The following CTNND2 variants were observed in gnomAD, a reference collection of about 807,000 sequenced individuals.
CTNND2 encodes catenin delta 2, also known as catenin delta-2.
In CTNND2, 22 loss-of-function variants were observed where a neutral mutation model predicts 144.4. That is an observed-to-expected ratio of 0.15 (90% CI 0.11 to 0.22). The LOEUF is 0.22. CTNND2 is among the 10% of genes least tolerant of loss of function. The probability of loss-of-function intolerance (pLI) is 1.00; values close to 1 mark genes in which losing one functional copy is unlikely to be tolerated. For missense variants in CTNND2, 1,353 were observed against 1,618.8 expected (o/e 0.84, Z 2.82); for synonymous variants, 751 against 695.6 (o/e 1.08, Z -1.25).
chr5:11,008,490 A>G (rs1314585620), intron 18 of CTNND2, among the ~76,000 whole-genome samples: 2 of 152,196 alleles, frequency 1.3e-5, no homozygotes, highest in Admixed American at 6.5e-5. Context: ...TAGAAGCTGG[A>G]AAAGGCAAGG....
At chr5:11,421,967 C>T (rs75368038) in intron 3 of CTNND2, among the ~76,000 whole-genome samples, 5,667 of 152,152 alleles carry the variant, frequency 0.037, 120 homozygotes, top group Non-Finnish European at 0.049. Context: ...GTATAAAACA[C>T]GAAAAATCCA....
intron 3 of CTNND2, among the ~76,000 whole-genome samples, chr5:11,498,644 C>T (rs1770221920): frequency 6.6e-6 from 1 of 152,182 alleles, no homozygotes; most frequent in South Asian, 2.1e-4. Flanking sequence ...TAGCAGCTTC[C>T]CTTCCATACA....
chr5:11,472,340 T>C (rs549607905), intron 3 of CTNND2, among the ~76,000 whole-genome samples: 25 of 152,292 alleles, frequency 1.6e-4, no homozygotes, highest in African/African-American at 6.0e-4. Flanking sequence ...GTCTAACTAT[T>C]TTATCATTTT....
At chr5:11,106,930 G>A (rs1326364421) in intron 14 of CTNND2, among the ~76,000 whole-genome samples, 1 of 152,108 alleles carries the variant, frequency 6.6e-6, no homozygotes, top group East Asian at 1.9e-4. Flanking sequence ...CCTGAACTGT[G>A]GATGTGAAGA....
At chr5:11,480,287 T>C (rs1020157443) in intron 3 of CTNND2, among the ~76,000 whole-genome samples, 3 of 152,194 alleles carry the variant, frequency 2.0e-5, no homozygotes, top group African/African-American at 7.2e-5. Context: ...AATGATTGTT[T>C]TTGTCAGCTT....
intron 3 of CTNND2, among the ~76,000 whole-genome samples, chr5:11,494,670 C>A (rs2149998785): frequency 6.6e-6 from 1 of 152,082 alleles, no homozygotes; most frequent in African/African-American, 2.4e-5. Context: ...GGATGGCTCC[C>A]AATACTTCTG....
chr5:11,460,002 C>G (rs1766056896), intron 3 of CTNND2, among the ~76,000 whole-genome samples: 1 of 152,174 alleles, frequency 6.6e-6, no homozygotes, highest in Non-Finnish European at 1.5e-5. Flanking sequence ...TTTGATGAAG[C>G]TGAACCTTTC....
chr5:11,158,431 C>T (rs886761709), intron 12 of CTNND2, among the ~76,000 whole-genome samples: 4 of 152,220 alleles, frequency 2.6e-5, no homozygotes, highest in South Asian at 4.2e-4. Context: ...AGCACCTATC[C>T]AGAGAAATCA....
chr5:11,533,397 A>G (rs976521338), intron 3 of CTNND2, among the ~76,000 whole-genome samples: 43 of 152,310 alleles, frequency 2.8e-4, no homozygotes, highest in African/African-American at 1.0e-3. Flanking sequence ...GGTGGGATTT[A>G]GAGCTCACAG....
At chr5:11,851,287 G>C (rs186865445) in intron 1 of CTNND2, among the ~76,000 whole-genome samples, 1 of 152,152 alleles carries the variant, frequency 6.6e-6, no homozygotes, top group Non-Finnish European at 1.5e-5. Flanking sequence ...ATGTGGGTGT[G>C]AGTGTATATG....
chr5:11,275,035 G>T (rs958462216), intron 9 of CTNND2, among the ~76,000 whole-genome samples: 6 of 152,138 alleles, frequency 3.9e-5, no homozygotes, highest in Non-Finnish European at 8.8e-5. Context: ...GAAGCTGGAG[G>T]AGATGATTCA....
chr5:10,981,904 T>A, intron 20 of CTNND2, 58 bp from the exon 21 acceptor site: 2 of 1,439,436 alleles, frequency 1.4e-6, no homozygotes, highest in Non-Finnish European at 1.9e-6. Flanking sequence ...AAATAAGGAA[T>A]AGTTGTTATT....
intron 1 of CTNND2, among the ~76,000 whole-genome samples, chr5:11,900,564 A>C (rs1360676119): frequency 2.0e-5 from 3 of 152,248 alleles, no homozygotes; most frequent in Non-Finnish European, 4.4e-5. Flanking sequence ...TAATATAAAA[A>C]GCTGTTGCTT....
At chr5:11,639,013 A>T (rs931262258) in intron 2 of CTNND2, among the ~76,000 whole-genome samples, 1 of 152,208 alleles carries the variant, frequency 6.6e-6, no homozygotes, top group African/African-American at 2.4e-5. Context: ...TGAGAAAATC[A>T]AAGAAATAAG....
chr5:11,653,626 T>A (rs796483012), intron 2 of CTNND2, among the ~76,000 whole-genome samples: 11 of 152,262 alleles, frequency 7.2e-5, no homozygotes, highest in African/African-American at 2.6e-4. Context: ...CTCTGTTATA[T>A]ATTTTGGATA....
rs36178842 is a variant in CTNND2 at position 11,886,975 on chromosome 5, C to CTTTTTT, written c.37+16836_37+16841dup. ...AAATAAGATGTTTTCTATCCTACTG[C>CTTTTTT]TTTTTTTTTTTTTTTTTTTTTTTTT... On this transcript the variant is annotated intron_variant, in intron 1 of 21. Coordinates refer to ENST00000304623, the MANE Select transcript of CTNND2 (RefSeq NM_001332.4). 3.1e-4 allele frequency among the ~76,000 whole-genome samples: 26 copies of CTTTTTT among 83,602 alleles called. 3 individuals are homozygous for CTTTTTT. The highest frequency in any genetic ancestry group is 3.8e-4 in the Non-Finnish European group (16 of 41,832). 54.8% of individuals were successfully genotyped at this position (83,602 alleles called of 152,430 possible).
At chr5:11,591,787 CTTTG>C (rs1359685285) in intron 2 of CTNND2, among the ~76,000 whole-genome samples, 1 of 151,964 alleles carries the variant, frequency 6.6e-6, no homozygotes, top group African/African-American at 2.4e-5. Context: ...TTTCTGATTT[CTTTG>C]TTTCTTACTT....
intron 16 of CTNND2, among the ~76,000 whole-genome samples, chr5:11,063,494 A>G (rs1747223435): frequency 6.6e-6 from 1 of 152,178 alleles, no homozygotes; most frequent in Non-Finnish European, 1.5e-5. Context: ...ATTTGTATAA[A>G]TTTTGTTTGC....
chr5:11,537,632 A>C (rs976062100), intron 3 of CTNND2, among the ~76,000 whole-genome samples: 7 of 152,146 alleles, frequency 4.6e-5, no homozygotes, highest in Non-Finnish European at 1.0e-4. Context: ...TCAATGATAA[A>C]ATAAGAAAGA....
Sources: allele counts gnomAD v4.1 joint callset (sites outside exome capture counted in the v4.1 genomes callset), GRCh38; gene constraint gnomAD v4.1.1; transcripts MANE v1.5; gene names NCBI Gene and HGNC (gene_info 2026-07-23, HGNC 2026-07-21).